LDLRAD3: variants seen among roughly 807,000 people sequenced by gnomAD.
The protein encoded by LDLRAD3 is low-density lipoprotein receptor class A domain-containing protein 3.
Under a neutral mutation model 29.4 loss-of-function variants are expected in LDLRAD3, and 20 were observed. That is an observed-to-expected ratio of 0.68 (90% CI 0.48 to 0.99). LDLRAD3 has a LOEUF of 0.99. Ranked by LOEUF, LDLRAD3 falls within the 50% of genes least tolerant of loss-of-function variation. The pLI is 0.00. For missense variants in LDLRAD3, 420 were observed against 454.3 expected, an observed-to-expected ratio of 0.92 and a Z score of 0.69; for synonymous variants, 157 against 192.7, an observed-to-expected ratio of 0.81 and a Z score of 1.53.
rs571208270 is a variant in LDLRAD3 at position 36,056,873 on chromosome 11, G to A, written c.193+20624G>A. Among the ~76,000 whole-genome samples the A allele has an allele frequency of 1.1e-4, 16 of 152,244 alleles. No homozygotes were observed. In the South Asian group the frequency reaches 3.3e-3, roughly 32 times the overall value. ...TCACTCCCCAAATCCTCCCTGTATT[G>A]CAGTCCAGAGCTTTTCAAACTTTAT... On this transcript the variant is annotated intron_variant, in intron 2 of 5. Transcript: ENST00000315571.
chr11:35,952,983 G>A (rs975302057), intron 1 of LDLRAD3, among the ~76,000 whole-genome samples: 1 of 152,162 alleles, frequency 6.6e-6, no homozygotes, highest in Non-Finnish European at 1.5e-5. Context: ...GCTCTTGTGC[G>A]AAAGTAGGCA....
At chr11:36,171,123 G>T (rs186478835) in intron 4 of LDLRAD3, among the ~76,000 whole-genome samples, 1 of 152,092 alleles carries the variant, frequency 6.6e-6, no homozygotes, top group Non-Finnish European at 1.5e-5. Flanking sequence ...TGTGTCCTTA[G>T]CCCACTATTT....
chr11:36,133,987 A>T (rs1019153348), intron 4 of LDLRAD3, among the ~76,000 whole-genome samples: 2 of 152,072 alleles, frequency 1.3e-5, no homozygotes, highest in Non-Finnish European at 2.9e-5. Context: ...TATATATAAC[A>T]TGTATGTATA....
Position 36,227,303 on chromosome 11 carries a change from C to T in LDLRAD3, c.673C>T (p.His225Tyr), listed in dbSNP as rs779148159. ...VLLSRLVVLD[H>Y]PHHCNVTYNV... ...GCTGTCCCGCCTGGTGGTCCTGGAC[C>T]ACCCCCACCACTGCAACGTCACCTA... The change falls in exon 5 of 6, where the codon CAC (histidine) becomes TAC (tyrosine). Residue 225 changes from histidine to tyrosine, a missense_variant. Physicochemically the swap from His to Tyr is moderately conservative, Grantham distance 83. Transcript: ENST00000315571. The T allele has an allele frequency of 9.9e-6, 16 of 1,614,148 alleles. No homozygotes were observed. The South Asian group carries it at 1.6e-4, about 17-fold the overall frequency.
chr11:36,124,384 T>A (rs556110740), intron 4 of LDLRAD3, among the ~76,000 whole-genome samples: 3 of 152,318 alleles, frequency 2.0e-5, no homozygotes, highest in Admixed American at 6.5e-5. Context: ...CTGACTTTTT[T>A]AATAAAACAA....
intron 4 of LDLRAD3, among the ~76,000 whole-genome samples, chr11:36,186,978 A>G (rs1024667600): frequency 6.6e-6 from 1 of 152,148 alleles, no homozygotes; most frequent in African/African-American, 2.4e-5. Context: ...CATGGCCCAC[A>G]GGGGATCCAT....
intron 2 of LDLRAD3, among the ~76,000 whole-genome samples, chr11:36,073,755 G>A (rs1308036013): frequency 1.3e-5 from 2 of 152,252 alleles, no homozygotes; most frequent in Admixed American, 6.5e-5. Context: ...AAGGGTGCAA[G>A]GGCAGGGCCA....
At chr11:36,011,681 G>C (rs1301773173) in intron 1 of LDLRAD3, among the ~76,000 whole-genome samples, 2 of 152,164 alleles carry the variant, frequency 1.3e-5, no homozygotes, top group Non-Finnish European at 2.9e-5. Flanking sequence ...ACATAGCAGA[G>C]GTCAGTTGGA....
At chr11:35,962,284 A>C (rs1281246498) in intron 1 of LDLRAD3, among the ~76,000 whole-genome samples, 1 of 152,274 alleles carries the variant, frequency 6.6e-6, no homozygotes, top group Non-Finnish European at 1.5e-5. Context: ...GACCTAGGAC[A>C]TAGTGCAGGG....
chr11:35,977,341 A>G (rs146902014), intron 1 of LDLRAD3, among the ~76,000 whole-genome samples: 1,933 of 152,322 alleles, frequency 0.013, 46 homozygotes, highest in African/African-American at 0.043. Context: ...CCATTGGCCA[A>G]AACGCAGCCA....
At chr11:36,035,313 T>C (rs262454) in intron 1 of LDLRAD3, among the ~76,000 whole-genome samples, 124,132 of 151,960 alleles carry the variant, frequency 0.82, 50,774 homozygotes, top group East Asian at 0.94. Flanking sequence ...CCCCAGGGTC[T>C]ACTGGTAGAT....
chr11:35,951,899 C>G (rs1032925056), intron 1 of LDLRAD3, among the ~76,000 whole-genome samples: 3 of 152,196 alleles, frequency 2.0e-5, no homozygotes, highest in African/African-American at 4.8e-5. Flanking sequence ...CCACCCTGTG[C>G]TTTTAGAAGA....
At chr11:36,051,035 C>T (rs1852520181) in intron 2 of LDLRAD3, among the ~76,000 whole-genome samples, 1 of 152,164 alleles carries the variant, frequency 6.6e-6, no homozygotes, top group African/African-American at 2.4e-5. Flanking sequence ...AAGAGCCCTG[C>T]CTCCTATTAC....
chr11:36,193,361 C>G (rs1034968045), intron 4 of LDLRAD3, among the ~76,000 whole-genome samples: 4 of 152,196 alleles, frequency 2.6e-5, no homozygotes, highest in Non-Finnish European at 5.9e-5. Context: ...TCTGGCCACC[C>G]TGAGTCTCTC....
intron 3 of LDLRAD3, among the ~76,000 whole-genome samples, chr11:36,092,631 C>A (rs1853300716): frequency 6.6e-6 from 1 of 152,210 alleles, no homozygotes; most frequent in Non-Finnish European, 1.5e-5. Flanking sequence ...TAGAGCGTTT[C>A]TGTCCCCTTC....
At chr11:36,197,801 G>A (rs543317427) in intron 4 of LDLRAD3, 6 of 151,702 alleles carry the variant, frequency 4.0e-5, no homozygotes, top group East Asian at 3.9e-4. Context: ...TAATCCCAAC[G>A]CTTTTGGAAG....
intron 2 of LDLRAD3, among the ~76,000 whole-genome samples, chr11:36,070,998 CA>C (rs1852892067): frequency 6.6e-6 from 1 of 152,110 alleles, no homozygotes; most frequent in Admixed American, 6.5e-5. Flanking sequence ...CCAATTCCAG[CA>C]AAGATCGATG....
At chr11:35,975,878 G>C (rs1851469141) in intron 1 of LDLRAD3, among the ~76,000 whole-genome samples, 1 of 149,900 alleles carries the variant, frequency 6.7e-6, no homozygotes, top group South Asian at 2.1e-4. Context: ...AAAAAGAGTT[G>C]TCAGTTGTGT....
In LDLRAD3 at chr11:36,105,592, A is replaced by G. The variant is rs1472330310; in HGVS notation, c.454+7131A>G. Among the ~76,000 whole-genome samples the G allele has an allele frequency of 2.0e-5, 3 of 151,842 alleles. No individual in the cohort carries two copies. In the East Asian group the frequency reaches 5.8e-4, roughly 29 times the overall value. ...GACCGGTGTTCTTATAAGAAGGGAA[A>G]TTTGGACACCGACATCACACAGAGA... On this transcript the variant is annotated intron_variant, in intron 4 of 5. Transcript: ENST00000315571.
Sources: allele counts gnomAD v4.1 joint callset (sites outside exome capture counted in the v4.1 genomes callset), GRCh38; gene constraint gnomAD v4.1.1; transcripts MANE v1.5; gene names NCBI Gene and HGNC (gene_info 2026-07-23, HGNC 2026-07-21).